Variants in ROBO1 observed in about 807,000 individuals in gnomAD.
ROBO1 encodes roundabout homolog 1.
A neutral mutation model predicts 195.9 loss-of-function variants in ROBO1; 149 were observed. The ratio of observed to expected loss-of-function variants is 0.76; its 90% CI spans 0.67 to 0.87. The LOEUF (loss-of-function observed/expected upper bound fraction) is 0.87, where lower values mean the gene tolerates loss of function less well. Among genes scored for constraint, ROBO1 ranks in the 40% least tolerant of loss-of-function variants. The pLI is 0.00. For missense variants in ROBO1, 1,933 were observed against 2,068.3 expected (o/e 0.93, Z 1.27); for synonymous variants, 816 against 733.2 (o/e 1.11, Z -1.82).
intron 3 of ROBO1, among the ~76,000 whole-genome samples, chr3:78,945,711 A>C (rs1478312114): frequency 6.6e-6 from 1 of 152,210 alleles, no homozygotes; most frequent in East Asian, 1.9e-4. Flanking sequence ...TCAGACGATC[A>C]AACTACTCTG....
intron 4 of ROBO1, among the ~76,000 whole-genome samples, chr3:78,837,022 G>T (rs185258567): frequency 3.0e-4 from 45 of 152,088 alleles, no homozygotes; most frequent in African/African-American, 1.1e-3. Flanking sequence ...TAAACACATT[G>T]TAATTATATT....
intron 2 of ROBO1, among the ~76,000 whole-genome samples, chr3:79,447,836 T>G (rs981601507): frequency 6.6e-6 from 1 of 152,154 alleles, no homozygotes; most frequent in Admixed American, 6.5e-5. Context: ...TGTTTCTACT[T>G]CTGTTAATTG....
intron 1 of ROBO1, among the ~76,000 whole-genome samples, chr3:79,633,596 C>A (rs1945410583): frequency 2.0e-5 from 3 of 151,852 alleles, no homozygotes; most frequent in Non-Finnish European, 2.9e-5. Context: ...TCATTAGAAA[C>A]CTAGAGTGAC....
chr3:78,962,840 A>C (rs899322943), intron 3 of ROBO1, among the ~76,000 whole-genome samples: 2 of 151,254 alleles, frequency 1.3e-5, no homozygotes, highest in African/African-American at 4.9e-5. Flanking sequence ...AAAAAAAAAA[A>C]AAAAAAAAAC....
intron 1 of ROBO1, among the ~76,000 whole-genome samples, chr3:79,704,047 G>A (rs1947696259): frequency 6.6e-6 from 1 of 151,882 alleles, no homozygotes; most frequent in East Asian, 1.9e-4. Flanking sequence ...TAGAATTTTT[G>A]TATTTTTTAA....
At chr3:79,269,124 T>C (rs555992961) in intron 2 of ROBO1, among the ~76,000 whole-genome samples, 1 of 151,776 alleles carries the variant, frequency 6.6e-6, no homozygotes, top group South Asian at 2.1e-4. Context: ...GACTGACATA[T>C]AGAATTAACC....
At chr3:79,737,716 T>A (rs1461015614) in intron 1 of ROBO1, among the ~76,000 whole-genome samples, 1 of 151,868 alleles carries the variant, frequency 6.6e-6, no homozygotes, top group African/African-American at 2.4e-5. Context: ...TGTCAGAAAG[T>A]AAGTGATTCA....
At chr3:79,013,040 G>T (rs2077826355) in intron 3 of ROBO1, among the ~76,000 whole-genome samples, 1 of 151,954 alleles carries the variant, frequency 6.6e-6, no homozygotes, top group Non-Finnish European at 1.5e-5. Context: ...AGGTATTAAG[G>T]CTCAACCCTT....
At position 79,226,043 on chromosome 3, in the gene ROBO1, T is replaced by C. The variant is rs2082221552; in HGVS notation, c.89-100504A>G. On this transcript the variant is annotated intron_variant, in intron 2 of 30. Coordinates refer to ENST00000464233, the MANE Select transcript of ROBO1 (RefSeq NM_002941.4). ...AAAAGCACAACCTCCTGTCTTACAG[T>C]TTGCCTTATAAGAAAACCATTTTTT... 2.0e-5 allele frequency among the ~76,000 whole-genome samples: 3 copies of C among 152,162 alleles called. No homozygotes were observed. The South Asian group carries it at 6.2e-4, about 32-fold the overall frequency.
intron 2 of ROBO1, among the ~76,000 whole-genome samples, chr3:79,220,306 T>C (rs2082115640): frequency 6.6e-6 from 1 of 152,084 alleles, no homozygotes; most frequent in African/African-American, 2.4e-5. Flanking sequence ...CTGGAATTTG[T>C]CTACTGAATG....
intron 1 of ROBO1, among the ~76,000 whole-genome samples, chr3:79,718,288 T>G (rs901400999): frequency 2.0e-5 from 3 of 152,054 alleles, no homozygotes; most frequent in Non-Finnish European, 4.4e-5. Context: ...TGTTAAGTAC[T>G]TATATGTTCC....
Position 78,784,703 on chromosome 3 carries a change from C to A in ROBO1, c.500-37803G>T, listed in dbSNP as rs142140398. ...TCCAAAGAATAGTAGCAACAAAAAT[C>A]TTAAAAAAACTTATTTTGCATAGGT... On this transcript the variant is annotated intron_variant, in intron 4 of 30. Coordinates refer to ENST00000464233, the MANE Select transcript of ROBO1 (RefSeq NM_002941.4). Among the ~76,000 whole-genome samples, 452 of 152,134 alleles carry A rather than the reference C, an allele frequency of 3.0e-3. 5 individuals are homozygous for A. Among genetic ancestry groups the A allele is most frequent in the African/African-American group, 1.0e-2 (414 of 41,502 alleles).
At chr3:79,248,924 G>A (rs1249971398) in intron 2 of ROBO1, among the ~76,000 whole-genome samples, 1 of 152,122 alleles carries the variant, frequency 6.6e-6, no homozygotes, top group Non-Finnish European at 1.5e-5. Flanking sequence ...TCAGGTTTGG[G>A]AGAAATGGGG....
intron 3 of ROBO1, among the ~76,000 whole-genome samples, chr3:78,952,214 G>A (rs929678506): frequency 1.3e-5 from 2 of 151,224 alleles, no homozygotes; most frequent in African/African-American, 4.8e-5. Flanking sequence ...AATGTATCTT[G>A]CAGCACAAAA....
chr3:79,723,951 GAAAT>G (rs1560133158), intron 1 of ROBO1, among the ~76,000 whole-genome samples: 1 of 152,134 alleles, frequency 6.6e-6, no homozygotes, highest in Admixed American at 6.5e-5. Flanking sequence ...TCATAGATTA[GAAAT>G]AAATAAGTGT....
At chr3:79,461,644 T>TGAC (rs1937642827) in intron 2 of ROBO1, among the ~76,000 whole-genome samples, 1 of 152,174 alleles carries the variant, frequency 6.6e-6, no homozygotes, top group African/African-American at 2.4e-5. Context: ...TCACAAAGTA[T>TGAC]GACACATAAT....
chr3:79,512,346 A>C (rs1309737243), intron 2 of ROBO1, among the ~76,000 whole-genome samples: 1 of 152,140 alleles, frequency 6.6e-6, no homozygotes, highest in Non-Finnish European at 1.5e-5. Context: ...GCTATATTGA[A>C]TTCACCATTT....
intron 1 of ROBO1, among the ~76,000 whole-genome samples, chr3:79,653,153 G>A (rs7426984): frequency 0.56 from 84,650 of 151,404 alleles, 23,835 homozygotes; most frequent in South Asian, 0.67. Context: ...TATTACAAAT[G>A]TTATATAAAA....
intron 1 of ROBO1, among the ~76,000 whole-genome samples, chr3:79,678,379 G>A (rs899722248): frequency 6.6e-6 from 1 of 151,846 alleles, no homozygotes; most frequent in African/African-American, 2.4e-5. Context: ...ATATCGATAA[G>A]CATTTACTAT....
Sources: allele counts gnomAD v4.1 joint callset (sites outside exome capture counted in the v4.1 genomes callset), GRCh38; gene constraint gnomAD v4.1.1; transcripts MANE v1.5; gene names NCBI Gene and HGNC (gene_info 2026-07-23, HGNC 2026-07-21).